Variants in FBXO34 observed in about 807,000 individuals in gnomAD.
FBXO34 encodes F-box protein 34, also known as F-box only protein 34.
FBXO34 carries 12 observed loss-of-function variants against 24.5 expected under a neutral mutation model. The observed-to-expected ratio is 0.49, with a 90% CI of 0.31 to 0.79. The LOEUF is 0.79. Ranked by LOEUF, FBXO34 falls within the 30% of genes least tolerant of loss-of-function variation. The pLI, the probability that FBXO34 is intolerant of heterozygous loss-of-function variation, is 0.04. For synonymous variants in FBXO34, 320 were observed against 311.9 expected (o/e 1.03, Z -0.27); for missense variants, 823 against 857.7 (o/e 0.96, Z 0.51).
At chr14:55,384,019 G>A in the FBXO34 span, among the ~76,000 whole-genome samples, 3 of 152,140 alleles carry the variant, frequency 2.0e-5, no homozygotes, top group Admixed American at 6.5e-5. Flanking sequence ...CACAACATAC[G>A]TATAAGATAG....
intron 1 of FBXO34, among the ~76,000 whole-genome samples, chr14:55,327,078 G>A (rs549509737): frequency 1.9e-4 from 29 of 152,250 alleles, no homozygotes; most frequent in African/African-American, 7.0e-4. Context: ...AATAGGGAGT[G>A]TGGGGAATAG....
At chr14:55,396,854 CA>C in the FBXO34 span, among the ~76,000 whole-genome samples, 3 of 151,680 alleles carry the variant, frequency 2.0e-5, no homozygotes, top group South Asian at 6.2e-4. Flanking sequence ...TTCCCCCCCA[CA>C]AAAAAAACAA....
the FBXO34 span, chr14:55,435,980 TAA>T: frequency 1.5e-3 from 1,304 of 857,316 alleles, no homozygotes; most frequent in South Asian, 2.2e-3. Context: ...ATATAAAGAG[TAA>T]AAAAAAAAAA....
chr14:55,358,667 C>T (rs1328141568), intron 3 of FBXO34, among the ~76,000 whole-genome samples: 2 of 152,216 alleles, frequency 1.3e-5, no homozygotes, highest in African/African-American at 4.8e-5. Context: ...AAAGGATTGG[C>T]CCTACTAATG....
the FBXO34 span, chr14:55,429,025 A>G: frequency 6.3e-7 from 1 of 1,594,494 alleles, no homozygotes. Context: ...ACATCCTCTC[A>G]ACTACTGGTG....
intron 1 of FBXO34, among the ~76,000 whole-genome samples, chr14:55,328,458 G>A (rs1883425069): frequency 1.3e-5 from 2 of 152,204 alleles, no homozygotes; most frequent in African/African-American, 4.8e-5. Flanking sequence ...GAGCTACTGA[G>A]TGACTAACAC....
chr14:55,336,987 T>A (rs202111637), intron 1 of FBXO34, among the ~76,000 whole-genome samples: 8,795 of 150,764 alleles, frequency 0.058, 328 homozygotes, highest in South Asian at 0.09. Flanking sequence ...TTATTTTTTT[T>A]TTTTTTTTGA....
intron 1 of FBXO34, among the ~76,000 whole-genome samples, chr14:55,338,142 C>T (rs1338136292): frequency 4.7e-5 from 7 of 147,928 alleles, no homozygotes; most frequent in South Asian, 2.1e-4. Flanking sequence ...CTCTGCCTCC[C>T]GGATTCAAGC....
chr14:55,440,333 G>C, the FBXO34 span: 2 of 1,591,234 alleles, frequency 1.3e-6, no homozygotes. Context: ...CGAAGGCAAA[G>C]CCCTTGGCAC....
chr14:55,386,177 G>A, the FBXO34 span: 149 of 1,206,054 alleles, frequency 1.2e-4, 1 homozygote, highest in East Asian at 2.3e-3. Flanking sequence ...ACAAACATGC[G>A]TGTTTTCCCT....
the FBXO34 span, among the ~76,000 whole-genome samples, chr14:55,432,119 C>T: frequency 6.6e-6 from 1 of 151,694 alleles, no homozygotes; most frequent in South Asian, 2.1e-4. Context: ...TTAAAAAACC[C>T]ACCATAGGCC....
At chr14:55,404,448 C>T in the FBXO34 span, among the ~76,000 whole-genome samples, 3 of 152,332 alleles carry the variant, frequency 2.0e-5, no homozygotes, top group East Asian at 1.9e-4. Flanking sequence ...TCCATCATCA[C>T]GTCAATTCAG....
chr14:55,334,567 A>T (rs1001546407), intron 1 of FBXO34, among the ~76,000 whole-genome samples: 1 of 152,132 alleles, frequency 6.6e-6, no homozygotes, highest in Non-Finnish European at 1.5e-5. Context: ...GATCTGGGCA[A>T]CGAGGAGCCA....
At chr14:55,300,793 G>A (rs1882326878) in intron 1 of FBXO34, among the ~76,000 whole-genome samples, 1 of 152,170 alleles carries the variant, frequency 6.6e-6, no homozygotes, top group Non-Finnish European at 1.5e-5. Flanking sequence ...GTAATGAAAT[G>A]TCGGTCATTT....
At chr14:55,397,659 A>G in the FBXO34 span, among the ~76,000 whole-genome samples, 9 of 152,226 alleles carry the variant, frequency 5.9e-5, no homozygotes, top group African/African-American at 2.2e-4. Flanking sequence ...TGTGTTTATA[A>G]AATATGTCTA....
chr14:55,364,644 G>C (rs564452029), downstream of FBXO34, among the ~76,000 whole-genome samples: 1 of 151,390 alleles, frequency 6.6e-6, no homozygotes, highest in Non-Finnish European at 1.5e-5. Context: ...GGCCAGGCTG[G>C]TTTTGAACTC....
rs1294864815 is a variant in FBXO34, at chr14:55,351,019, T to C, written c.629T>C (p.Met210Thr). ...GGGAGGCCTCTGTCAGTTATACAGA[T>C]GGTTGCCTTCTTGGAGCAAAGAGCC... ...YAGRPLSVIQMVAFLEQRASA... is the reference protein window; with the variant it reads ...YAGRPLSVIQTVAFLEQRASA... Residue 210 changes from methionine (M) to threonine (T), a missense_variant, in exon 2 of 2, where the codon ATG becomes ACG. Around this residue, in one of 2 missense-constraint regions of FBXO34, gnomAD observed 693 missense variants for 659.1 expected, o/e 1.05. Transcript: ENST00000313833. 3 of 1,614,076 alleles carry C rather than the reference T, an allele frequency of 1.9e-6. No individual in the cohort carries two copies. The highest frequency in any genetic ancestry group is 2.2e-5 in the East Asian group (1 of 44,886).
chr14:55,419,623 T>G, the FBXO34 span, among the ~76,000 whole-genome samples: 1 of 152,198 alleles, frequency 6.6e-6, no homozygotes, highest in Non-Finnish European at 1.5e-5. Context: ...TTCAGCTTAC[T>G]TGACTATAAT....
downstream of FBXO34, among the ~76,000 whole-genome samples, chr14:55,364,315 A>G (rs890764559): frequency 1.3e-5 from 2 of 152,210 alleles, no homozygotes; most frequent in Non-Finnish European, 2.9e-5. Flanking sequence ...CCACCAGAGT[A>G]TCTCTGGCTC....
Sources: allele counts gnomAD v4.1 joint callset (sites outside exome capture counted in the v4.1 genomes callset), GRCh38; gene constraint gnomAD v4.1.1; regional missense constraint gnomAD v4.1.1; transcripts MANE v1.5; gene names NCBI Gene and HGNC (gene_info 2026-07-23, HGNC 2026-07-21).